COL5A1: variants seen among roughly 807,000 people sequenced by gnomAD.
COL5A1 encodes collagen alpha-1(V) chain.
A neutral mutation model predicts 263.7 loss-of-function variants in COL5A1; 16 were observed. The observed-to-expected ratio is 0.06, with a 90% CI of 0.04 to 0.09. The LOEUF (loss-of-function observed/expected upper bound fraction) is 0.09. Among genes scored for constraint, COL5A1 ranks in the 10% least tolerant of loss-of-function variants. The pLI is 1.00. For synonymous variants in COL5A1, 1,012 were observed against 1,004.5 expected, an observed-to-expected ratio of 1.01 and a Z score of -0.14; for missense variants, 2,036 against 2,540.5, an observed-to-expected ratio of 0.80 and a Z score of 4.27.
intron 1 of COL5A1, among the ~76,000 whole-genome samples, chr9:134,669,355 C>T (rs1320936009): frequency 2.8e-5 from 4 of 142,364 alleles, no homozygotes; most frequent in East Asian, 4.5e-4. Context: ...TCCATCCCTT[C>T]TTCCATCCAT....
chr9:134,796,870 C>T lies in COL5A1; in HGVS notation c.2867C>T (p.Pro956Leu). Residue 956 changes from proline (P) to leucine (L), a missense_variant, in exon 36 of 66, where the codon CCC (proline) becomes CTC (leucine). Coordinates refer to ENST00000371817, the MANE Select transcript of COL5A1 (RefSeq NM_000093.5). The part of the protein sequence containing the change: ...GERGPNGPQG[P>L]TGFPGPKGPP... Reference sequence around the variant, plus strand: ...CAGGGACCCAATGGACCCCAAGGACCCACAGGATTTCCTGGACCAAAGGGC... The same window carrying T: ...CAGGGACCCAATGGACCCCAAGGACTCACAGGATTTCCTGGACCAAAGGGC... 6.2e-7 allele frequency: 1 copy of T among 1,614,056 alleles called. No homozygotes were observed. Among genetic ancestry groups the T allele is most frequent in the Non-Finnish European group, 8.5e-7 (1 of 1,179,984 alleles).
At chr9:134,753,952 C>T (rs201985296) in intron 15 of COL5A1, 49 bp downstream of exon 15, 265 of 1,528,740 alleles carry the variant, frequency 1.7e-4, no homozygotes, top group Middle Eastern at 6.8e-4. Flanking sequence ...TCCCGTTCTC[C>T]GGCGGCAGCG....
chr9:134,653,840 C>T (rs1484234883), intron 1 of COL5A1, among the ~76,000 whole-genome samples: 1 of 132,922 alleles, frequency 7.5e-6, no homozygotes, highest in Non-Finnish European at 1.6e-5. Context: ...GGCCGGGTGT[C>T]TGTAGGGCTG....
chr9:134,819,704 G>A (rs1838915688), intron 57 of COL5A1, among the ~76,000 whole-genome samples: 1 of 152,232 alleles, frequency 6.6e-6, no homozygotes, highest in Non-Finnish European at 1.5e-5. Flanking sequence ...ACCCATGATT[G>A]TAATATCTAT....
chr9:134,663,575 A>G (rs1320398666), intron 1 of COL5A1, among the ~76,000 whole-genome samples: 1 of 152,266 alleles, frequency 6.6e-6, no homozygotes, highest in Non-Finnish European at 1.5e-5. Flanking sequence ...ATTTCATTAT[A>G]GTCATTTTGG....
intron 1 of COL5A1, among the ~76,000 whole-genome samples, chr9:134,688,800 C>T (rs1833167418): frequency 6.6e-6 from 1 of 152,306 alleles, no homozygotes; most frequent in African/African-American, 2.4e-5. Context: ...GTAGAAATGA[C>T]ACCGTCAGAG....
Position 134,755,132 on chromosome 9 carries a change from T to C in COL5A1, c.1827+806T>C, listed in dbSNP as rs536432152. On this transcript the variant is annotated intron_variant, in intron 16 of 65. Coordinates refer to ENST00000371817, the MANE Select transcript of COL5A1 (RefSeq NM_000093.5). The surrounding 1 kb of genome is among the most constrained non-coding windows in gnomAD (Gnocchi z 4.1). The stretch of plus-strand genomic sequence containing the variant: ...ACCCGATAAGCCGCAGTTTGGCAGG[T>C]CCGAGGGTCTATGCAGGGATCTGGG... Among the ~76,000 whole-genome samples the C allele has an allele frequency of 9.2e-4, 140 of 152,276 alleles. No individual in the cohort carries two copies. Among genetic ancestry groups the C allele is most frequent in the Middle Eastern group, 3.4e-3 (1 of 294 alleles).
intron 63 of COL5A1, 55 bp from the exon 64 acceptor site, chr9:134,829,921 A>G (rs536064088): frequency 1.3e-6 from 2 of 1,568,858 alleles, no homozygotes; most frequent in South Asian, 2.3e-5. Flanking sequence ...GAGGCCGGAG[A>G]AGTAACCCTT....
rs994406256 is a variant in COL5A1, at chr9:134,758,666, A to G, written c.1935+370A>G. The stretch of plus-strand genomic sequence containing the variant: ...GCAGCTGCCATTTCAGGGGCGGCCA[A>G]GGACACTTTGCAATATTAAAGTGGT... On this transcript the variant is annotated intron_variant, in intron 18 of 65. Coordinates refer to ENST00000371817, the MANE Select transcript of COL5A1 (RefSeq NM_000093.5). This position sits in a 1 kb window ranked among gnomAD's most constrained non-coding sequence, Gnocchi z 4.1. Among the ~76,000 whole-genome samples, 8 of 152,178 alleles carry G rather than the reference A, an allele frequency of 5.3e-5. No individual in the cohort carries two copies. The highest frequency in any genetic ancestry group is 8.8e-5 in the Non-Finnish European group (6 of 68,022).
chr9:134,793,662 GAATGAGTA>G (rs200900090), intron 32 of COL5A1, among the ~76,000 whole-genome samples: 1,662 of 152,248 alleles, frequency 0.011, 29 homozygotes, highest in African/African-American at 0.037. Flanking sequence ...GGGAGGATGG[GAATGAGTA>G]AATCTGGCAG....
chr9:134,767,201 T>C, intron 23 of COL5A1, 109 bp from the exon 24 acceptor site: 1 of 1,441,772 alleles, frequency 6.9e-7, no homozygotes, highest in Non-Finnish European at 9.8e-7. Flanking sequence ...GGACCTGGGT[T>C]GGTGCCTGGA....
At chr9:134,762,489 C>T (rs1446501480) in intron 19 of COL5A1, among the ~76,000 whole-genome samples, 1 of 152,144 alleles carries the variant, frequency 6.6e-6, no homozygotes, top group Non-Finnish European at 1.5e-5. Flanking sequence ...GGGAGCTGTT[C>T]TCCAGCATGG....
At chr9:134,732,837 TC>T (rs1834947901) in intron 9 of COL5A1, among the ~76,000 whole-genome samples, 1 of 152,178 alleles carries the variant, frequency 6.6e-6, no homozygotes, top group Non-Finnish European at 1.5e-5. Context: ...GGTGTCCTTG[TC>T]CCATAGGGGG....
intron 32 of COL5A1, among the ~76,000 whole-genome samples, chr9:134,793,391 G>T (rs537141883): frequency 2.6e-5 from 4 of 151,604 alleles, no homozygotes; most frequent in Admixed American, 6.6e-5. Context: ...GGCTGGGGGG[G>T]GCATTCTGTT....
intron 1 of COL5A1, among the ~76,000 whole-genome samples, chr9:134,669,882 G>A (rs1311153411): frequency 6.6e-6 from 1 of 152,154 alleles, no homozygotes; most frequent in Non-Finnish European, 1.5e-5. Flanking sequence ...ACATGTTCCT[G>A]GATATTGGCT....
rs1051271005 is a variant in COL5A1 at position 134,680,941 on chromosome 9, C to CG, written c.110-9965dup. Among the ~76,000 whole-genome samples, 5 of 152,152 alleles carry CG rather than the reference C, an allele frequency of 3.3e-5. No homozygotes were observed. The highest frequency in any genetic ancestry group is 7.2e-5 in the African/African-American group (3 of 41,430). On this transcript the variant is annotated intron_variant, in intron 1 of 65. Transcript: ENST00000371817. The surrounding 1 kb of genome is among the most constrained non-coding windows in gnomAD (Gnocchi z 5.9). ...AGGTCTCCGCCTGGCACTGCAGCCT[C>CG]GGGGGGCAGCGGGAGAGGCCGGGCC...
At chr9:134,684,878 C>G (rs1832960129) in intron 1 of COL5A1, among the ~76,000 whole-genome samples, 1 of 152,224 alleles carries the variant, frequency 6.6e-6, no homozygotes, top group Non-Finnish European at 1.5e-5. Context: ...ATTGATCCAT[C>G]CACTCATCCA....
intron 50 of COL5A1, among the ~76,000 whole-genome samples, 192 bp from the exon 51 acceptor site, chr9:134,815,384 G>C (rs1213221956): frequency 1.3e-5 from 2 of 152,254 alleles, no homozygotes; most frequent in Admixed American, 6.5e-5. Context: ...GGCCAGGCTT[G>C]CTGGCTCTGG....
chr9:134,795,964 C>G (rs970634536), intron 34 of COL5A1, among the ~76,000 whole-genome samples: 1 of 152,248 alleles, frequency 6.6e-6, no homozygotes, highest in Non-Finnish European at 1.5e-5. Flanking sequence ...CTCTGGGGCA[C>G]TTCTCGTGTG....
Sources: gnomAD v4.1 joint callset for allele counts (sites outside exome capture counted in the v4.1 genomes callset) on GRCh38, gnomAD v4.1.1 for gene constraint, Gnocchi (gnomAD v3.1) non-coding constraint, MANE v1.5 for transcripts, NCBI Gene and HGNC (gene_info 2026-07-23, HGNC 2026-07-21) for gene names.